The following ARID1B variants were observed in gnomAD, a reference collection of about 807,000 sequenced individuals.
ARID1B encodes AT-rich interactive domain-containing protein 1B.
Under a neutral mutation model 212.3 loss-of-function variants are expected in ARID1B, and 30 were observed. The ratio of observed to expected loss-of-function variants is 0.14; its 90% CI spans 0.11 to 0.19. The LOEUF is 0.19. Among genes scored for constraint, ARID1B ranks in the 10% least tolerant of loss-of-function variants. The pLI is 1.00. For missense variants in ARID1B, 2,891 were observed against 3,204.0 expected (o/e 0.90, Z 2.36); for synonymous variants, 1,402 against 1,301.7 (o/e 1.08, Z -1.66).
intron 4 of ARID1B, among the ~76,000 whole-genome samples, chr6:157,063,879 CAGG>C (rs1290764984): frequency 1.3e-5 from 2 of 152,166 alleles, no homozygotes; most frequent in East Asian, 1.9e-4. Context: ...CCAATGTTAC[CAGG>C]AGAATACTGA....
chr6:156,944,120 A>G (rs995440589), intron 4 of ARID1B, among the ~76,000 whole-genome samples: 1 of 152,214 alleles, frequency 6.6e-6, no homozygotes, highest in Non-Finnish European at 1.5e-5. Flanking sequence ...AAAATTTTAC[A>G]TTAAAAGCCA....
At chr6:157,166,655 T>C (rs1332496666) in intron 8 of ARID1B, 2 of 156,660 alleles carry the variant, frequency 1.3e-5, no homozygotes, top group African/African-American at 4.8e-5. Context: ...TTTCTTAACC[T>C]TTGGGTTTTT....
intron 1 of ARID1B, among the ~76,000 whole-genome samples, chr6:156,808,808 G>A (rs372792678): frequency 2.6e-5 from 4 of 152,234 alleles, no homozygotes; most frequent in South Asian, 4.1e-4. Context: ...TTGATGAAAG[G>A]AGAGAAACTT....
chr6:157,020,569 ATAG>A (rs1461459740), intron 4 of ARID1B, among the ~76,000 whole-genome samples: 2 of 152,214 alleles, frequency 1.3e-5, no homozygotes, highest in Non-Finnish European at 2.9e-5. Flanking sequence ...GGAGCTATAA[ATAG>A]TAGGTAGAAC....
intron 1 of ARID1B, among the ~76,000 whole-genome samples, chr6:156,826,749 T>C (rs1457421813): frequency 6.6e-6 from 1 of 152,106 alleles, no homozygotes; most frequent in African/African-American, 2.4e-5. Flanking sequence ...CCTTGTCAAG[T>C]ATAGCAGAAG....
intron 2 of ARID1B, among the ~76,000 whole-genome samples, chr6:156,850,309 T>A (rs1175116084): frequency 6.6e-6 from 1 of 152,156 alleles, no homozygotes; most frequent in Admixed American, 6.5e-5. Context: ...TTTTTATTAT[T>A]GCATTTTGGG....
intron 4 of ARID1B, among the ~76,000 whole-genome samples, chr6:156,968,068 C>A (rs958612141): frequency 6.6e-6 from 1 of 152,174 alleles, no homozygotes; most frequent in Non-Finnish European, 1.5e-5. Flanking sequence ...CAGTCTCTTT[C>A]CTGCAGGGAG....
At chr6:156,956,202 G>T (rs1793964928) in intron 4 of ARID1B, among the ~76,000 whole-genome samples, 1 of 152,084 alleles carries the variant, frequency 6.6e-6, no homozygotes, top group Non-Finnish European at 1.5e-5. Flanking sequence ...CTCAGAAAAA[G>T]ACATTCTTTT....
chr6:156,954,322 T>C (rs1038527274), intron 4 of ARID1B, among the ~76,000 whole-genome samples: 3 of 152,188 alleles, frequency 2.0e-5, no homozygotes, highest in African/African-American at 7.2e-5. Context: ...GAAGGACAGT[T>C]TATGGTTCTG....
intron 1 of ARID1B, 125 bp downstream of exon 1, chr6:156,779,596 A>C: frequency 9.6e-7 from 1 of 1,039,372 alleles, no homozygotes; most frequent in Non-Finnish European, 1.2e-6. Context: ...CGCGGCGCCC[A>C]AAGCCATCTT....
At chr6:157,113,814 G>A (rs1028311170) in intron 6 of ARID1B, among the ~76,000 whole-genome samples, 2 of 152,174 alleles carry the variant, frequency 1.3e-5, no homozygotes, top group African/African-American at 2.4e-5. Context: ...TGACTGTTAC[G>A]TTAGAAGATG....
chr6:157,127,977 A>G (rs76985909), intron 6 of ARID1B, among the ~76,000 whole-genome samples: 1 of 151,250 alleles, frequency 6.6e-6, no homozygotes, highest in East Asian at 1.9e-4. Flanking sequence ...AAAAAAAAAA[A>G]AGCTACTGCT....
At chr6:157,195,938 G>A in intron 15 of ARID1B, 1 of 449,632 alleles carries the variant, frequency 2.2e-6, no homozygotes, top group South Asian at 2.6e-5. Flanking sequence ...GTGGATGCCT[G>A]TAATCTCAGC....
At position 157,203,742 on chromosome 6, in the gene ARID1B, G is replaced by A; in HGVS notation, c.5264-124G>A. 1.7e-6 allele frequency: 2 copies of A among 1,190,886 alleles called. No homozygotes were observed. Among genetic ancestry groups the A allele is most frequent in the Non-Finnish European group, 2.4e-6 (2 of 823,800 alleles). The allele number at this position is 1,190,886 out of a possible 1,614,324, so 73.8% of individuals were successfully genotyped here. ...TGATCACGCTTAACTGTCCTTGAGA[G>A]CATTTGTTTAAAGTCAATATTTAAC... On this transcript the variant is annotated intron_variant, in intron 18 of 19. Transcript: ENST00000636930. The surrounding 1 kb of genome is among the most constrained non-coding windows in gnomAD (Gnocchi z 4.4).
intron 6 of ARID1B, among the ~76,000 whole-genome samples, chr6:157,125,179 T>C (rs1788054329): frequency 6.6e-6 from 1 of 152,118 alleles, no homozygotes; most frequent in Non-Finnish European, 1.5e-5. Context: ...AACACAGATA[T>C]CTGCGAGATG....
At chr6:157,007,706 A>G (rs532702732) in intron 4 of ARID1B, among the ~76,000 whole-genome samples, 41 of 151,596 alleles carry the variant, frequency 2.7e-4, no homozygotes, top group Admixed American at 5.9e-4. Context: ...TTGCAGCAAT[A>G]GTTAAGGAAG....
intron 2 of ARID1B, among the ~76,000 whole-genome samples, chr6:156,862,658 C>T (rs779689289): frequency 2.6e-5 from 4 of 152,070 alleles, no homozygotes; most frequent in Non-Finnish European, 5.9e-5. Flanking sequence ...CAAGGCAAAG[C>T]GGAGTGGTGT....
chr6:157,119,967 G>A (rs920460836), intron 6 of ARID1B, among the ~76,000 whole-genome samples: 2 of 152,186 alleles, frequency 1.3e-5, no homozygotes, highest in Admixed American at 6.5e-5. Flanking sequence ...TGTGAAATGA[G>A]GATCATGGAT....
At position 157,206,297 on chromosome 6, in the gene ARID1B, A is replaced by G. The variant is rs751635758; in HGVS notation, c.5525A>G (p.Asp1842Gly). The G allele has an allele frequency of 1.2e-6, 2 of 1,614,242 alleles. No individual in the cohort carries two copies. The highest frequency in any genetic ancestry group is 3.3e-5 in the Admixed American group (2 of 60,036). ...CTTGATCACAACGCAGCAAGGAAGG[A>G]TGACAGCCAGTCCTTGGCAGACGAT... ...KALDHNAARK[D>G]DSQSLADDSG... is the part of the protein sequence containing the mutation. Residue 1842 changes from aspartate (D) to glycine (G), a missense_variant, in exon 20 of 20, where the codon GAT becomes GGT. Transcript: ENST00000636930. The surrounding 1 kb of genome is among the most constrained non-coding windows in gnomAD (Gnocchi z 6.8).
Sources: allele counts gnomAD v4.1 joint callset (sites outside exome capture counted in the v4.1 genomes callset), GRCh38; gene constraint gnomAD v4.1.1; non-coding constraint Gnocchi (gnomAD v3.1); transcripts MANE v1.5; gene names NCBI Gene and HGNC (gene_info 2026-07-23, HGNC 2026-07-21).